TRIM33: variants seen among roughly 807,000 people sequenced by gnomAD.
TRIM33 encodes E3 ubiquitin-protein ligase TRIM33.
A neutral mutation model predicts 125.4 loss-of-function variants in TRIM33; 20 were observed. The ratio of observed to expected loss-of-function variants is 0.16; its 90% CI spans 0.11 to 0.23. The LOEUF is 0.23. Among genes scored for constraint, TRIM33 ranks in the 10% least tolerant of loss-of-function variants. The pLI, the probability that TRIM33 is intolerant of heterozygous loss-of-function variation, is 1.00. For missense variants in TRIM33, 920 were observed against 1,411.4 expected, an observed-to-expected ratio of 0.65 and a Z score of 5.58; for synonymous variants, 564 against 513.9, an observed-to-expected ratio of 1.10 and a Z score of -1.32.
At chr1:114,496,609 A>G (rs1652379173) in intron 1 of TRIM33, among the ~76,000 whole-genome samples, 1 of 152,218 alleles carries the variant, frequency 6.6e-6, no homozygotes, top group South Asian at 2.1e-4. Context: ...AATTTCCACA[A>G]TTTTTATCTA....
intron 10 of TRIM33, among the ~76,000 whole-genome samples, chr1:114,423,882 G>A (rs1381836910): frequency 6.6e-6 from 1 of 152,008 alleles, no homozygotes; most frequent in African/African-American, 2.4e-5. Flanking sequence ...GTTATGGCTA[G>A]GAATCCATTC....
At chr1:114,492,128 T>C (rs1260694869) in intron 1 of TRIM33, among the ~76,000 whole-genome samples, 7 of 152,172 alleles carry the variant, frequency 4.6e-5, no homozygotes, top group Non-Finnish European at 1.0e-4. Flanking sequence ...GTCAAATTTT[T>C]TGCTGCTCTG....
chr1:114,484,896 C>CA (rs1286957790), intron 1 of TRIM33, among the ~76,000 whole-genome samples: 1 of 151,052 alleles, frequency 6.6e-6, no homozygotes, highest in Admixed American at 6.6e-5. Context: ...CAAAAATGCA[C>CA]AAAAAAATAG....
chr1:114,401,275 C>A (rs950818350), intron 17 of TRIM33, 114 bp downstream of exon 17: 9 of 605,402 alleles, frequency 1.5e-5, no homozygotes, highest in Non-Finnish European at 2.2e-5. Context: ...CCGCCTGCCT[C>A]GGCCTCCCAA....
At chr1:114,430,654 C>T in intron 6 of TRIM33, 144 bp downstream of exon 6, 1 of 610,132 alleles carries the variant, frequency 1.6e-6, no homozygotes, top group Non-Finnish European at 2.9e-6. Context: ...AGGTCTCTTC[C>T]AAAAGTAAAT....
intron 1 of TRIM33, among the ~76,000 whole-genome samples, chr1:114,473,735 A>C (rs1650799473): frequency 1.3e-5 from 2 of 152,204 alleles, no homozygotes; most frequent in Admixed American, 1.3e-4. Context: ...TATCTAACAT[A>C]AGGAGGAACC....
chr1:114,488,980 G>A (rs1651887079), intron 1 of TRIM33, among the ~76,000 whole-genome samples: 1 of 152,184 alleles, frequency 6.6e-6, no homozygotes, highest in African/African-American at 2.4e-5. Context: ...AGCCCAGGAG[G>A]TGGAAGCTGC....
At chr1:114,412,562 C>T (rs923066179) in intron 11 of TRIM33, among the ~76,000 whole-genome samples, 13 of 152,214 alleles carry the variant, frequency 8.5e-5, no homozygotes, top group African/African-American at 3.1e-4. Context: ...AACCACTCAT[C>T]TGCTTCCTTC....
chr1:114,459,556 G>C (rs969421211), intron 4 of TRIM33, among the ~76,000 whole-genome samples: 7 of 152,114 alleles, frequency 4.6e-5, no homozygotes, highest in African/African-American at 1.2e-4. Flanking sequence ...GATCATTTGA[G>C]CCTAAGAGTT....
At chr1:114,466,571 A>G (rs1650314342) in intron 1 of TRIM33, among the ~76,000 whole-genome samples, 1 of 152,184 alleles carries the variant, frequency 6.6e-6, no homozygotes, top group Non-Finnish European at 1.5e-5. Context: ...GTAGCTGATT[A>G]CCAGTCCTGT....
Position 114,510,623 on chromosome 1 carries a change from G to T in TRIM33, c.454C>A (p.Arg152Ser). The T allele has an allele frequency of 6.4e-7, 1 of 1,563,510 alleles. No homozygotes were observed. ...LLPCLHSFCL[R>S]CLPEPERQLS... ...TGGCGCTCCGGCTCGGGCAGGCAGCGCAGGCAGAAGGAGTGAAGACAGGGC... is the reference window on the plus strand; with the variant it reads ...TGGCGCTCCGGCTCGGGCAGGCAGCTCAGGCAGAAGGAGTGAAGACAGGGC... The change falls in exon 1 of 20, where the codon CGC becomes AGC. Residue 152 changes from arginine to serine, a missense_variant. Physicochemically the swap from Arg to Ser is moderately radical, Grantham distance 110 (BLOSUM62 -1). Coordinates refer to ENST00000358465, the MANE Select transcript of TRIM33 (RefSeq NM_015906.4).
chr1:114,401,321 G>T (rs1651874463), intron 17 of TRIM33, 68 bp downstream of exon 17: 2 of 1,366,298 alleles, frequency 1.5e-6, no homozygotes, highest in Non-Finnish European at 1.0e-6. Context: ...ACCGCGCCCG[G>T]CCGCCAGAGC....
intron 1 of TRIM33, among the ~76,000 whole-genome samples, chr1:114,486,162 G>A (rs770670364): frequency 2.9e-4 from 44 of 152,056 alleles, no homozygotes; most frequent in Non-Finnish European, 5.4e-4. Context: ...TGTAGTCCCA[G>A]CTATTTGGTA....
At chr1:114,442,687 C>CAAAAAAAAAAAAAAAAAAAAA (rs34847018) in intron 4 of TRIM33, among the ~76,000 whole-genome samples, 2 of 73,870 alleles carry the variant, frequency 2.7e-5, no homozygotes, top group African/African-American at 4.9e-5. Context: ...GACTCTGTCT[C>CAAAAAAAAAAAAAAAAAAAAA]AAAAAAAAAA....
intron 15 of TRIM33, among the ~76,000 whole-genome samples, 194 bp from the exon 16 acceptor site, chr1:114,403,077 A>G (rs976811002): frequency 2.0e-5 from 3 of 152,164 alleles, no homozygotes; most frequent in Non-Finnish European, 4.4e-5. Context: ...TCACGCATCA[A>G]TTGATTACTT....
At chr1:114,418,812 A>T (rs982903506) in intron 11 of TRIM33, among the ~76,000 whole-genome samples, 1 of 151,914 alleles carries the variant, frequency 6.6e-6, no homozygotes, top group Non-Finnish European at 1.5e-5. Context: ...CCCAGAAGCG[A>T]TTCAGCAATT....
intron 1 of TRIM33, 47 bp from the exon 2 acceptor site, chr1:114,464,435 G>C: frequency 8.8e-7 from 1 of 1,134,568 alleles, no homozygotes; most frequent in South Asian, 1.5e-5. Flanking sequence ...CAGGAATAAA[G>C]AAATTGTGCA....
At chr1:114,510,419 T>G in intron 1 of TRIM33, 132 bp downstream of exon 1, 5 of 773,694 alleles carry the variant, frequency 6.5e-6, no homozygotes, top group Non-Finnish European at 7.5e-6. Context: ...CAGGGGCGAG[T>G]CTTTCACCTT....
intron 4 of TRIM33, among the ~76,000 whole-genome samples, chr1:114,435,670 T>C (rs754292000): frequency 8.5e-5 from 13 of 152,082 alleles, no homozygotes; most frequent in Non-Finnish European, 1.9e-4. Flanking sequence ...ATTTCTGTTA[T>C]AGAAAACTGC....
Sources: gnomAD v4.1 joint callset for allele counts (sites outside exome capture counted in the v4.1 genomes callset) on GRCh38, gnomAD v4.1.1 for gene constraint, MANE v1.5 for transcripts, NCBI Gene and HGNC (gene_info 2026-07-23, HGNC 2026-07-21) for gene names.